Variants in SESN1 observed in about 807,000 individuals in gnomAD.
The protein encoded by SESN1 is sestrin 1.
Under a neutral mutation model 59.3 loss-of-function variants are expected in SESN1, and 30 were observed. That is an observed-to-expected ratio of 0.51 (90% confidence interval 0.38 to 0.69). The LOEUF (loss-of-function observed/expected upper bound fraction) is 0.69. SESN1 is among the 30% of genes least tolerant of loss of function. The pLI, the probability that SESN1 is intolerant of heterozygous loss-of-function variation, is 0.00. For missense variants in SESN1, 566 were observed against 673.0 expected (o/e 0.84, Z 1.76); for synonymous variants, 197 against 219.9 (o/e 0.90, Z 0.92).
intron 1 of SESN1, among the ~76,000 whole-genome samples, chr6:109,093,355 A>T (rs1781370280): frequency 6.6e-6 from 1 of 152,174 alleles, no homozygotes; most frequent in Non-Finnish European, 1.5e-5. Context: ...CATTTAGAGA[A>T]CACATCCTGG....
intron 1 of SESN1, among the ~76,000 whole-genome samples, chr6:109,058,639 C>T (rs1780677049): frequency 1.3e-5 from 2 of 152,264 alleles, no homozygotes; most frequent in Middle Eastern, 3.4e-3. Flanking sequence ...TCATTTGGCA[C>T]AGAAGTAAAA....
chr6:109,021,950 T>G (rs1240091407), intron 1 of SESN1, among the ~76,000 whole-genome samples: 2 of 152,188 alleles, frequency 1.3e-5, no homozygotes, highest in African/African-American at 4.8e-5. Flanking sequence ...TCTAAAGGAT[T>G]GGTTAAATTT....
intron 1 of SESN1, among the ~76,000 whole-genome samples, chr6:109,037,574 G>C (rs1296542544): frequency 6.6e-6 from 1 of 152,212 alleles, no homozygotes; most frequent in African/African-American, 2.4e-5. Flanking sequence ...GTTGGGTGAA[G>C]CTAGAATAGA....
intron 1 of SESN1, among the ~76,000 whole-genome samples, chr6:109,012,715 G>A (rs1377553884): frequency 1.3e-5 from 2 of 152,148 alleles, no homozygotes; most frequent in Non-Finnish European, 2.9e-5. Flanking sequence ...AGCATATGCA[G>A]AGGCCCAGAA....
chr6:109,019,224 C>A (rs1207652136), intron 1 of SESN1, among the ~76,000 whole-genome samples: 1 of 152,120 alleles, frequency 6.6e-6, no homozygotes, highest in Non-Finnish European at 1.5e-5. Context: ...CAGACACACA[C>A]CCCTCATGAT....
At chr6:109,046,655 C>T (rs1363981852) in intron 1 of SESN1, among the ~76,000 whole-genome samples, 3 of 137,854 alleles carry the variant, frequency 2.2e-5, no homozygotes, top group Non-Finnish European at 4.8e-5. Context: ...TCTTCCCAGC[C>T]GCCATCACAT....
chr6:109,016,186 G>C (rs1312931750), intron 1 of SESN1, among the ~76,000 whole-genome samples: 1 of 152,140 alleles, frequency 6.6e-6, no homozygotes, highest in South Asian at 2.1e-4. Context: ...TAAATGCTTT[G>C]TTTATACTAA....
intron 1 of SESN1, among the ~76,000 whole-genome samples, chr6:109,023,973 TCACA>T (rs146947558): frequency 6.6e-6 from 1 of 151,782 alleles, no homozygotes; most frequent in African/African-American, 2.4e-5. Flanking sequence ...AATTCAATGA[TCACA>T]CACACACACC....
intron 1 of SESN1, among the ~76,000 whole-genome samples, chr6:109,063,360 G>T (rs1780763236): frequency 6.6e-6 from 1 of 152,128 alleles, no homozygotes; most frequent in African/African-American, 2.4e-5. Context: ...TGGGGGGAAG[G>T]CCAGTAGGCT....
At chr6:109,042,327 A>C (rs1780355881) in intron 1 of SESN1, among the ~76,000 whole-genome samples, 1 of 151,958 alleles carries the variant, frequency 6.6e-6, no homozygotes, top group South Asian at 2.1e-4. Flanking sequence ...ACTGAGAATC[A>C]AGCAGACAGA....
At position 109,049,270 on chromosome 6, in the gene SESN1, A is replaced by G. The variant is rs527418288; in HGVS notation, c.279+44525T>C. Among the ~76,000 whole-genome samples, 4 of 152,350 alleles carry G rather than the reference A, an allele frequency of 2.6e-5. No individual in the cohort carries two copies. The South Asian group carries it at 6.2e-4, about 24-fold the overall frequency. On this transcript the variant is annotated intron_variant, in intron 1 of 9. Transcript: ENST00000436639. ...GAATTTATGATAAGTAAAATAAGCC[A>G]GGAACAGAAAGTTAAACATCGTATG...
intron 1 of SESN1, among the ~76,000 whole-genome samples, chr6:109,006,424 A>G (rs1403455446): frequency 6.6e-6 from 1 of 151,148 alleles, no homozygotes; most frequent in African/African-American, 2.4e-5. Context: ...CATTAGGTAT[A>G]TCTCCTAATG....
chr6:109,044,346 A>G (rs1461439123), intron 1 of SESN1, among the ~76,000 whole-genome samples: 2 of 146,068 alleles, frequency 1.4e-5, no homozygotes, highest in Non-Finnish European at 3.0e-5. Context: ...AAAAAAAAAA[A>G]AAAGGAGTAC....
chr6:109,046,140 C>T (rs1262418453), intron 1 of SESN1, among the ~76,000 whole-genome samples: 1 of 151,802 alleles, frequency 6.6e-6, no homozygotes, highest in South Asian at 2.1e-4. Context: ...CCCTCTCATG[C>T]GGAGCCGAAG....
Position 108,987,363 on chromosome 6 carries a change from A to G in SESN1, c.*181T>C, listed in dbSNP as rs1277757601. 6.0e-6 allele frequency: 3 copies of G among 496,100 alleles called. No homozygotes were observed. The highest frequency in any genetic ancestry group is 3.2e-5 in the East Asian group (1 of 31,542). The allele number at this position is 496,100 out of a possible 1,614,324, so 30.7% of individuals were successfully genotyped here. On this transcript the variant is annotated 3_prime_UTR_variant, in exon 10 of 10. Coordinates refer to ENST00000436639, the MANE Select transcript of SESN1 (RefSeq NM_014454.3). ...TCACAGCTCTAAACTTGAAGCTGCC[A>G]AACAGTCACTGCTTGTGCCAGCAGT...
intron 6 of SESN1, among the ~76,000 whole-genome samples, chr6:108,993,580 A>G (rs1779437732): frequency 6.6e-6 from 1 of 152,180 alleles, no homozygotes; most frequent in Non-Finnish European, 1.5e-5. Flanking sequence ...CCACTCTATT[A>G]TATTGTCAAA....
chr6:109,011,375 T>C (rs1272513542), intron 1 of SESN1, among the ~76,000 whole-genome samples: 1 of 152,168 alleles, frequency 6.6e-6, no homozygotes, highest in African/African-American at 2.4e-5. Context: ...TGCTGCCTTA[T>C]GTGAAAAGAA....
At position 108,985,446 on chromosome 6, in the gene SESN1, A is replaced by C. The variant is rs1042566337; in HGVS notation, c.*2098T>G. ...GGAAACTACTGGTTTCAAAGATTATATAGTAACATTAGAAATCCTGTGTGT... is the reference window on the plus strand; with the variant it reads ...GGAAACTACTGGTTTCAAAGATTATCTAGTAACATTAGAAATCCTGTGTGT... On this transcript the variant is annotated 3_prime_UTR_variant, in exon 10 of 10. Coordinates refer to ENST00000436639, the MANE Select transcript of SESN1 (RefSeq NM_014454.3). Among the ~76,000 whole-genome samples, 1 of 152,234 alleles carries C rather than the reference A, an allele frequency of 6.6e-6. No homozygotes were observed.
At chr6:109,078,761 T>C (rs908889573) in intron 1 of SESN1, among the ~76,000 whole-genome samples, 1 of 152,204 alleles carries the variant, frequency 6.6e-6, no homozygotes, top group African/African-American at 2.4e-5. Flanking sequence ...TTTAAATGAA[T>C]TCTAACCTTA....
Sources: gnomAD v4.1 joint callset for allele counts (sites outside exome capture counted in the v4.1 genomes callset) on GRCh38, gnomAD v4.1.1 for gene constraint, MANE v1.5 for transcripts, NCBI Gene and HGNC (gene_info 2026-07-23, HGNC 2026-07-21) for gene names.